The following FSTL4 variants were observed in gnomAD, a reference collection of about 807,000 sequenced individuals.
The protein encoded by FSTL4 is follistatin like 4, also known as follistatin-related protein 4.
In FSTL4, 28 loss-of-function variants were observed where a neutral mutation model predicts 78.2. The observed-to-expected ratio is 0.36, with a 90% confidence interval of 0.27 to 0.49. The LOEUF (loss-of-function observed/expected upper bound fraction) is 0.49. Ranked by LOEUF, FSTL4 falls within the 20% of genes least tolerant of loss-of-function variation. FSTL4 has a pLI of 0.98. For synonymous variants in FSTL4, 422 were observed against 440.5 expected (o/e 0.96, Z 0.53); for missense variants, 922 against 1,084.9 (o/e 0.85, Z 2.11).
the FSTL4 span, among the ~76,000 whole-genome samples, chr5:133,774,067 T>A: frequency 1.3e-5 from 2 of 152,308 alleles, no homozygotes; most frequent in African/African-American, 4.8e-5. Context: ...GCTAACCGCT[T>A]CTGACTGCTC....
intron 2 of FSTL4, among the ~76,000 whole-genome samples, chr5:133,592,479 T>G (rs17642887): frequency 6.6e-6 from 1 of 152,086 alleles, no homozygotes; most frequent in Non-Finnish European, 1.5e-5. Flanking sequence ...AATTTTGTTC[T>G]AGTCAGCATG....
chr5:133,750,835 C>T, the FSTL4 span, among the ~76,000 whole-genome samples: 3 of 152,122 alleles, frequency 2.0e-5, no homozygotes, highest in African/African-American at 4.8e-5. Flanking sequence ...GCACAAAACA[C>T]CCCTGCCCTC....
At chr5:133,292,723 A>G (rs766883678) in intron 6 of FSTL4, among the ~76,000 whole-genome samples, 1 of 138,404 alleles carries the variant, frequency 7.2e-6, no homozygotes, top group Admixed American at 7.4e-5. Context: ...ATTTTATTAT[A>G]AGGTGAAAAG....
intron 6 of FSTL4, among the ~76,000 whole-genome samples, chr5:133,284,102 T>C (rs1753072373): frequency 6.6e-6 from 1 of 152,186 alleles, no homozygotes. Context: ...GGTGGGGACA[T>C]GGAACCAAAC....
In FSTL4 at chr5:133,540,983, C is replaced by T. The variant is rs150150817; in HGVS notation, c.160+26203G>A. 2.1e-3 allele frequency among the ~76,000 whole-genome samples: 327 copies of T among 152,176 alleles called. 1 individual carries two copies. The highest frequency in any genetic ancestry group is 7.3e-3 in the African/African-American group (305 of 41,508). Reference sequence around the variant, plus strand: ...GAGCCTCCTCAGGACTCTGCCAGCCCGCTCTCACAGCCCCTGCAAGCTTTC... The same window carrying T: ...GAGCCTCCTCAGGACTCTGCCAGCCTGCTCTCACAGCCCCTGCAAGCTTTC... On this transcript the variant is annotated intron_variant, in intron 3 of 15. Coordinates refer to ENST00000265342, the MANE Select transcript of FSTL4 (RefSeq NM_015082.2).
At chr5:133,211,219 T>C (rs1021507995) in intron 13 of FSTL4, among the ~76,000 whole-genome samples, 1 of 152,172 alleles carries the variant, frequency 6.6e-6, no homozygotes, top group African/African-American at 2.4e-5. Flanking sequence ...ATGAAAGCTG[T>C]TTTCTACTTC....
intron 4 of FSTL4, among the ~76,000 whole-genome samples, chr5:133,358,459 C>A (rs1172206355): frequency 1.3e-5 from 2 of 152,110 alleles, no homozygotes; most frequent in Non-Finnish European, 2.9e-5. Context: ...GCAAAGGCAG[C>A]CCCCAGCAGG....
At chr5:133,349,868 G>T (rs1264913221) in intron 4 of FSTL4, among the ~76,000 whole-genome samples, 49 of 113,904 alleles carry the variant, frequency 4.3e-4, no homozygotes, top group Admixed American at 7.9e-4. Flanking sequence ...TTGTTTGTCA[G>T]GCTGCCATGT....
chr5:133,628,485 G>A, the FSTL4 span, among the ~76,000 whole-genome samples: 73 of 151,736 alleles, frequency 4.8e-4, 1 homozygote, highest in Non-Finnish European at 7.8e-4. Context: ...TCAGCCTCCC[G>A]AGTAGCTGGA....
At chr5:133,439,317 C>G (rs541566681) in intron 3 of FSTL4, among the ~76,000 whole-genome samples, 9 of 152,226 alleles carry the variant, frequency 5.9e-5, no homozygotes, top group African/African-American at 1.9e-4. Context: ...TTTTTAGAAG[C>G]CTTTTGACAT....
At chr5:133,700,991 G>A in the FSTL4 span, among the ~76,000 whole-genome samples, 3 of 152,296 alleles carry the variant, frequency 2.0e-5, no homozygotes, top group Non-Finnish European at 2.9e-5. Flanking sequence ...AGACGCAGGC[G>A]GAAAATTAGG....
chr5:133,724,489 TC>T, the FSTL4 span, among the ~76,000 whole-genome samples: 1 of 101,260 alleles, frequency 9.9e-6, no homozygotes, highest in Non-Finnish European at 1.9e-5. Flanking sequence ...TTTTTTGTTT[TC>T]CTGGGTGGGG....
chr5:133,664,817 A>G, the FSTL4 span, among the ~76,000 whole-genome samples: 66,629 of 152,150 alleles, frequency 0.44, 16,680 homozygotes, highest in African/African-American at 0.7. Flanking sequence ...AGCTTAGAGC[A>G]TCATGAATCA....
the FSTL4 span, among the ~76,000 whole-genome samples, chr5:133,792,918 G>A: frequency 6.6e-6 from 1 of 152,216 alleles, no homozygotes; most frequent in African/African-American, 2.4e-5. Context: ...CTCAGAGCAG[G>A]AGGGGAAAGG....
At chr5:133,766,885 G>A in the FSTL4 span, among the ~76,000 whole-genome samples, 4 of 152,230 alleles carry the variant, frequency 2.6e-5, no homozygotes, top group African/African-American at 7.2e-5. Flanking sequence ...CTTCCCACAT[G>A]AGGCCACCTT....
At chr5:133,549,487 A>T (rs943607447) in intron 3 of FSTL4, among the ~76,000 whole-genome samples, 1 of 152,168 alleles carries the variant, frequency 6.6e-6, no homozygotes, top group Non-Finnish European at 1.5e-5. Flanking sequence ...TTTATTGCTT[A>T]TAACACAGCA....
At chr5:133,647,848 G>C in the FSTL4 span, among the ~76,000 whole-genome samples, 4 of 152,178 alleles carry the variant, frequency 2.6e-5, no homozygotes, top group South Asian at 2.1e-4. Flanking sequence ...TGGTTTGGCT[G>C]TGTCCCCATC....
chr5:133,614,661 A>G (rs1640139036), upstream of FSTL4, among the ~76,000 whole-genome samples: 1 of 152,186 alleles, frequency 6.6e-6, no homozygotes, highest in African/African-American at 2.4e-5. Flanking sequence ...TAGATTTCAC[A>G]CTGAGAATTT....
the FSTL4 span, among the ~76,000 whole-genome samples, chr5:133,660,493 A>G: frequency 2.0e-5 from 3 of 152,202 alleles, no homozygotes; most frequent in East Asian, 5.8e-4. Context: ...GGCCCCCTGC[A>G]TCCTATGGGG....
Sources: allele counts gnomAD v4.1 joint callset (sites outside exome capture counted in the v4.1 genomes callset), GRCh38; gene constraint gnomAD v4.1.1; transcripts MANE v1.5; gene names NCBI Gene and HGNC (gene_info 2026-07-23, HGNC 2026-07-21).